Variants in CCDC170 observed in about 807,000 individuals in gnomAD.
CCDC170 encodes the protein coiled-coil domain containing 170, also known as coiled-coil domain-containing protein 170.
CCDC170 carries 69 observed loss-of-function variants against 72.6 expected under a neutral mutation model. The ratio of observed to expected loss-of-function variants is 0.95; its 90% confidence interval spans 0.78 to 1.16. The LOEUF is 1.16. Among genes scored for constraint, CCDC170 ranks in the 50% most tolerant of loss-of-function variants. The pLI is 0.00. For synonymous variants in CCDC170, 300 were observed against 303.9 expected (o/e 0.99, Z 0.13); for missense variants, 852 against 832.5 (o/e 1.02, Z -0.29).
At chr6:151,562,288 C>T (rs190245538) in intron 5 of CCDC170, among the ~76,000 whole-genome samples, 20 of 152,310 alleles carry the variant, frequency 1.3e-4, no homozygotes, top group Non-Finnish European at 1.0e-4. Flanking sequence ...TCAAAACACT[C>T]TGGCTTTTTG....
At chr6:151,551,323 C>G (rs575611814) in intron 5 of CCDC170, among the ~76,000 whole-genome samples, 6 of 152,262 alleles carry the variant, frequency 3.9e-5, no homozygotes, top group East Asian at 3.9e-4. Context: ...GGACATTGCC[C>G]TATGTAACCA....
At chr6:151,511,533 G>A (rs9371528) in intron 1 of CCDC170, among the ~76,000 whole-genome samples, 25,405 of 152,086 alleles carry the variant, frequency 0.17, 2,444 homozygotes, top group East Asian at 0.39. Context: ...AATGTGCTTG[G>A]TGCTAAGGAT....
At chr6:151,526,107 CCT>C (rs1562271417) in intron 1 of CCDC170, among the ~76,000 whole-genome samples, 25 of 151,296 alleles carry the variant, frequency 1.7e-4, no homozygotes, top group African/African-American at 5.6e-4. Flanking sequence ...TTCCTTCCTT[CCT>C]TCCTTCCTTT....
intron 6 of CCDC170, among the ~76,000 whole-genome samples, chr6:151,585,684 TC>T (rs1776441289): frequency 6.6e-6 from 1 of 152,186 alleles, no homozygotes; most frequent in African/African-American, 2.4e-5. Context: ...AAAATACCAA[TC>T]GAAAAATTTA....
At chr6:151,505,172 G>A (rs75969278) in intron 1 of CCDC170, among the ~76,000 whole-genome samples, 3,758 of 152,172 alleles carry the variant, frequency 0.025, 68 homozygotes, top group Non-Finnish European at 0.033. Context: ...TGTGCTGCCC[G>A]CAGACCTTCT....
At chr6:151,499,482 G>A (rs796505109) in intron 1 of CCDC170, among the ~76,000 whole-genome samples, 4 of 114,886 alleles carry the variant, frequency 3.5e-5, no homozygotes, top group South Asian at 2.8e-4. Context: ...GACTGTATTT[G>A]ACTATTCTAG....
At chr6:151,513,049 C>T (rs2115027076) in intron 1 of CCDC170, among the ~76,000 whole-genome samples, 1 of 152,238 alleles carries the variant, frequency 6.6e-6, no homozygotes, top group Non-Finnish European at 1.5e-5. Flanking sequence ...AAACAACTTT[C>T]CTCATCCTAA....
chr6:151,577,461 T>C (rs1012840055), intron 6 of CCDC170, among the ~76,000 whole-genome samples: 1 of 152,248 alleles, frequency 6.6e-6, no homozygotes, highest in Non-Finnish European at 1.5e-5. Context: ...TCTTGCACAA[T>C]GACAGAAAGT....
chr6:151,595,019 G>C (rs562610550), intron 8 of CCDC170, among the ~76,000 whole-genome samples: 1 of 152,166 alleles, frequency 6.6e-6, no homozygotes, highest in Admixed American at 6.5e-5. Flanking sequence ...AAAAGGTCTT[G>C]TTCAAAAATG....
chr6:151,542,821 A>G (rs116721987), intron 3 of CCDC170, among the ~76,000 whole-genome samples: 2,106 of 152,342 alleles, frequency 0.014, 54 homozygotes, highest in African/African-American at 0.048. Flanking sequence ...GGAATCCTAT[A>G]TGTATATCAA....
intron 1 of CCDC170, among the ~76,000 whole-genome samples, chr6:151,515,019 A>G (rs1782214166): frequency 1.3e-5 from 2 of 152,246 alleles, no homozygotes; most frequent in Non-Finnish European, 2.9e-5. Flanking sequence ...GTGATGAGGA[A>G]TGCACTCTTA....
chr6:151,570,854 C>A (rs1016689781), intron 5 of CCDC170, among the ~76,000 whole-genome samples: 1 of 152,164 alleles, frequency 6.6e-6, no homozygotes, highest in Non-Finnish European at 1.5e-5. Context: ...ATTTAATTAG[C>A]AGCAACAGTG....
At chr6:151,496,160 G>A (rs992943140) in intron 1 of CCDC170, among the ~76,000 whole-genome samples, 7 of 151,940 alleles carry the variant, frequency 4.6e-5, no homozygotes, top group South Asian at 2.1e-4. Flanking sequence ...ATTGTCCTTC[G>A]TGATTAGATT....
At chr6:151,582,440 T>G (rs1409334487) in intron 6 of CCDC170, among the ~76,000 whole-genome samples, 1 of 152,170 alleles carries the variant, frequency 6.6e-6, no homozygotes, top group Non-Finnish European at 1.5e-5. Context: ...GGGCCTTGCT[T>G]TGGATTAGGC....
At chr6:151,572,496 A>G (rs576470348) in intron 5 of CCDC170, among the ~76,000 whole-genome samples, 1 of 152,106 alleles carries the variant, frequency 6.6e-6, no homozygotes, top group African/African-American at 2.4e-5. Context: ...TAGTTCTATA[A>G]ACATATTCTA....
intron 1 of CCDC170, among the ~76,000 whole-genome samples, chr6:151,502,740 C>G (rs1782010019): frequency 6.6e-6 from 1 of 152,168 alleles, no homozygotes; most frequent in Non-Finnish European, 1.5e-5. Context: ...ATTAGTCACC[C>G]ACTTGACAAA....
At chr6:151,585,039 A>G (rs925453002) in intron 6 of CCDC170, among the ~76,000 whole-genome samples, 6 of 152,202 alleles carry the variant, frequency 3.9e-5, no homozygotes, top group African/African-American at 1.4e-4. Context: ...ATTGAATTCA[A>G]CATTTTATGA....
In CCDC170 at chr6:151,560,585, A is replaced by G. The variant is rs1341764794; in HGVS notation, c.774+12096A>G. Among the ~76,000 whole-genome samples the G allele has an allele frequency of 2.0e-5, 3 of 152,010 alleles. No homozygotes were observed. In the South Asian group the frequency reaches 6.2e-4, roughly 31 times the overall value. ...TGTCAAAGTTTCCCATGATTATTGT[A>G]TGGCTATCTCTTTTCTTATATCTAT... is the stretch of plus-strand genomic sequence containing the variant. On this transcript the variant is annotated intron_variant, in intron 5 of 10. Transcript: ENST00000239374.
At chr6:151,498,207 C>T (rs868620499) in intron 1 of CCDC170, among the ~76,000 whole-genome samples, 6 of 152,158 alleles carry the variant, frequency 3.9e-5, no homozygotes, top group Middle Eastern at 3.4e-3. Flanking sequence ...TCTTTCCTTT[C>T]TGTAAAACAA....
Sources: gnomAD v4.1 joint callset for allele counts (sites outside exome capture counted in the v4.1 genomes callset) on GRCh38, gnomAD v4.1.1 for gene constraint, MANE v1.5 for transcripts, NCBI Gene and HGNC (gene_info 2026-07-23, HGNC 2026-07-21) for gene names.